Variants in LEPR observed in about 807,000 individuals in gnomAD.
LEPR encodes the protein leptin receptor.
Under a neutral mutation model 114.7 loss-of-function variants are expected in LEPR, and 56 were observed. That is an observed-to-expected ratio of 0.49 (90% confidence interval 0.39 to 0.61). LEPR has a LOEUF of 0.61. Among genes scored for constraint, LEPR ranks in the 20% least tolerant of loss-of-function variants. The probability of loss-of-function intolerance (pLI) is 0.00; values close to 1 mark genes in which losing one functional copy is unlikely to be tolerated. For missense variants in LEPR, 1,202 were observed against 1,352.9 expected (o/e 0.89, Z 1.75); for synonymous variants, 443 against 461.4 (o/e 0.96, Z 0.51).
At chr1:65,534,864 G>A (rs112556769) in intron 2 of LEPR, among the ~76,000 whole-genome samples, 103 of 152,310 alleles carry the variant, frequency 6.8e-4, no homozygotes, top group African/African-American at 2.4e-3. Flanking sequence ...AAAAACTCAT[G>A]TTTAAGAACA....
chr1:65,613,501 C>T, intron 14 of LEPR, among the ~76,000 whole-genome samples: 1 of 97,370 alleles, frequency 1.0e-5, no homozygotes, highest in South Asian at 2.7e-4. Flanking sequence ...CGCCTGTAAT[C>T]CCAGCACTTT....
intron 2 of LEPR, among the ~76,000 whole-genome samples, chr1:65,482,231 A>G (rs1647264643): frequency 1.3e-5 from 2 of 152,158 alleles, no homozygotes; most frequent in African/African-American, 2.4e-5. Flanking sequence ...GAATTAATAG[A>G]AGATATATCA....
chr1:65,620,599 G>T (rs942851242), intron 17 of LEPR, among the ~76,000 whole-genome samples: 1 of 152,114 alleles, frequency 6.6e-6, no homozygotes, highest in African/African-American at 2.4e-5. Context: ...TGGCACTTTA[G>T]TTGATAGCCA....
intron 2 of LEPR, among the ~76,000 whole-genome samples, chr1:65,551,256 T>C (rs2100719360): frequency 6.6e-6 from 1 of 152,214 alleles, no homozygotes; most frequent in East Asian, 1.9e-4. Flanking sequence ...GAATCCCTCT[T>C]TTCCTGTTGT....
intron 2 of LEPR, among the ~76,000 whole-genome samples, chr1:65,555,255 GCTGA>G (rs2100738319): frequency 6.6e-6 from 1 of 152,308 alleles, no homozygotes; most frequent in South Asian, 2.1e-4. Context: ...CACATAAGAA[GCTGA>G]CTAACAGAAT....
At chr1:65,625,057 T>A (rs1233603620) in intron 19 of LEPR, among the ~76,000 whole-genome samples, 1 of 152,206 alleles carries the variant, frequency 6.6e-6, no homozygotes, top group Non-Finnish European at 1.5e-5. Flanking sequence ...ATTTTTTCTC[T>A]CATTTATCTT....
chr1:65,525,891 T>C (rs1649918831), intron 2 of LEPR: 1 of 959,934 alleles, frequency 1.0e-6, no homozygotes, highest in Admixed American at 6.2e-5. Context: ...AGAATGGGGC[T>C]TTGGGACGCG....
chr1:65,621,246 A>G (rs1657864019), intron 17 of LEPR, 107 bp from the exon 18 acceptor site: 2 of 872,084 alleles, frequency 2.3e-6, no homozygotes, highest in African/African-American at 1.7e-5. Context: ...TGAAGGTAAT[A>G]AGAGATTTGT....
intron 2 of LEPR, chr1:65,432,966 C>G (rs1282018873): frequency 2.0e-6 from 2 of 985,212 alleles, no homozygotes; most frequent in East Asian, 2.3e-4. Context: ...AACATACTCT[C>G]TCCCCCAAAA....
At chr1:65,588,958 T>C (rs1036448972) in intron 5 of LEPR, among the ~76,000 whole-genome samples, 1 of 152,104 alleles carries the variant, frequency 6.6e-6, no homozygotes, top group Non-Finnish European at 1.5e-5. Context: ...GTACATCATG[T>C]GGTAGGTGTG....
At chr1:65,571,408 G>T (rs867866368) in intron 4 of LEPR, among the ~76,000 whole-genome samples, 10 of 152,046 alleles carry the variant, frequency 6.6e-5, no homozygotes, top group African/African-American at 2.2e-4. Flanking sequence ...AATGCATACT[G>T]ATTGTAGCTA....
intron 2 of LEPR, among the ~76,000 whole-genome samples, chr1:65,467,009 C>A (rs930909547): frequency 1.3e-5 from 2 of 152,034 alleles, no homozygotes; most frequent in Admixed American, 6.6e-5. Context: ...TTGTTATTAC[C>A]GACCTTCTGA....
chr1:65,517,597 A>G (rs571804008), intron 2 of LEPR, among the ~76,000 whole-genome samples: 10 of 152,160 alleles, frequency 6.6e-5, no homozygotes, highest in African/African-American at 2.4e-4. Flanking sequence ...TTACTCTCTA[A>G]CTCATCATTT....
chr1:65,422,743 C>G (rs952661745), intron 1 of LEPR, among the ~76,000 whole-genome samples: 2 of 152,182 alleles, frequency 1.3e-5, no homozygotes, highest in South Asian at 2.1e-4. Context: ...ACTTAAGCTA[C>G]ATTAGTAAGA....
intron 2 of LEPR, among the ~76,000 whole-genome samples, chr1:65,437,992 G>T (rs1375275895): frequency 6.6e-6 from 1 of 151,840 alleles, no homozygotes; most frequent in Non-Finnish European, 1.5e-5. Flanking sequence ...ATTTTTTGTA[G>T]AGATGAAGTT....
chr1:65,443,858 G>A (rs141518748), intron 2 of LEPR, among the ~76,000 whole-genome samples: 2,536 of 152,086 alleles, frequency 0.017, 46 homozygotes, highest in South Asian at 0.09. Context: ...GCATTGGTGA[G>A]GTAAAGAACA....
intron 2 of LEPR, among the ~76,000 whole-genome samples, chr1:65,532,796 C>A (rs920156245): frequency 6.6e-6 from 1 of 152,102 alleles, no homozygotes; most frequent in African/African-American, 2.4e-5. Context: ...ACACAGAAAG[C>A]AGATCAGTGG....
intron 2 of LEPR, among the ~76,000 whole-genome samples, chr1:65,539,175 A>G (rs1182737727): frequency 6.9e-6 from 1 of 144,566 alleles, no homozygotes; most frequent in Non-Finnish European, 1.5e-5. Flanking sequence ...TCTTGCTCTC[A>G]TTATTCCTTT....
intron 2 of LEPR, among the ~76,000 whole-genome samples, chr1:65,560,591 GA>G: frequency 1.9e-5 from 1 of 53,626 alleles, no homozygotes; most frequent in Non-Finnish European, 3.5e-5. Flanking sequence ...ACACTATGTT[GA>G]ATAGGAGTGG....
Sources: gnomAD v4.1 joint callset for allele counts (sites outside exome capture counted in the v4.1 genomes callset) on GRCh38, gnomAD v4.1.1 for gene constraint, MANE v1.5 for transcripts, NCBI Gene and HGNC (gene_info 2026-07-23, HGNC 2026-07-21) for gene names.